Variants in NRP1 observed in about 807,000 individuals in gnomAD.
NRP1 encodes the protein neuropilin 1, also known as neuropilin-1.
NRP1 carries 35 observed loss-of-function variants against 106.7 expected under a neutral mutation model. The observed-to-expected ratio is 0.33, with a 90% CI of 0.25 to 0.43. The LOEUF (loss-of-function observed/expected upper bound fraction) is 0.43. NRP1 is among the 20% of genes least tolerant of loss of function. The probability of loss-of-function intolerance (pLI) is 1.00; values close to 1 mark genes in which losing one functional copy is unlikely to be tolerated. For missense variants in NRP1, 1,024 were observed against 1,170.4 expected (o/e 0.87, Z 1.83); for synonymous variants, 437 against 417.9 (o/e 1.05, Z -0.56).
chr10:33,308,970 T>C (rs1846371796), intron 2 of NRP1, among the ~76,000 whole-genome samples: 1 of 152,236 alleles, frequency 6.6e-6, no homozygotes, highest in Non-Finnish European at 1.5e-5. Flanking sequence ...TCTTAATTTA[T>C]AGAAATGTTA....
chr10:33,236,540 T>C (rs1378042838), intron 6 of NRP1, among the ~76,000 whole-genome samples: 1 of 152,158 alleles, frequency 6.6e-6, no homozygotes, highest in African/African-American at 2.4e-5. Context: ...ATGGGTTAGG[T>C]AGGCAAGAGA....
intron 3 of NRP1, 110 bp downstream of exon 3, chr10:33,270,565 G>T (rs996327169): frequency 9.3e-6 from 8 of 860,700 alleles, no homozygotes; most frequent in Middle Eastern, 2.7e-4. Context: ...GAGCTCAAGT[G>T]ATCCACCTGC....
chr10:33,330,611 T>G (rs1848208212), intron 2 of NRP1, 97 bp downstream of exon 2: 1 of 1,010,452 alleles, frequency 9.9e-7, no homozygotes, highest in African/African-American at 1.6e-5. Flanking sequence ...CCTGGATCCA[T>G]TTATAATCTA....
intron 3 of NRP1, among the ~76,000 whole-genome samples, chr10:33,266,766 C>T (rs904478704): frequency 2.0e-5 from 3 of 152,076 alleles, no homozygotes; most frequent in Non-Finnish European, 4.4e-5. Context: ...TAGCACTATC[C>T]CCTCTTGGCC....
chr10:33,296,514 C>T (rs1055934656), intron 2 of NRP1, among the ~76,000 whole-genome samples: 7 of 152,134 alleles, frequency 4.6e-5, no homozygotes, highest in African/African-American at 7.2e-5. Context: ...TGGATACAGA[C>T]GGGGCCCTGG....
chr10:33,224,711 G>A (rs1012010488), intron 7 of NRP1, among the ~76,000 whole-genome samples: 9 of 151,994 alleles, frequency 5.9e-5, no homozygotes, highest in Middle Eastern at 3.4e-3. Flanking sequence ...GATGCTCTCC[G>A]TCCTCCCACA....
chr10:33,186,498 C>A lies in NRP1; in HGVS notation c.2063-10G>T. ...ATGAAGTTGCCATCTCCTGCTGTGA[C>A]AAAGAACTGTGTTAGGGAGAGTGGC... On this transcript the variant is annotated splice_polypyrimidine_tract_variant and intron_variant, in intron 13 of 16. Coordinates refer to ENST00000374867, the MANE Select transcript of NRP1 (RefSeq NM_003873.7). The A allele has an allele frequency of 1.9e-6, 3 of 1,604,976 alleles. No homozygotes were observed. Among genetic ancestry groups the A allele is most frequent in the East Asian group, 4.5e-5 (2 of 44,762 alleles).
chr10:33,271,317 G>A (rs779453056), intron 2 of NRP1, among the ~76,000 whole-genome samples: 11 of 152,088 alleles, frequency 7.2e-5, no homozygotes, highest in African/African-American at 2.7e-4. Context: ...TTCTGTGAGC[G>A]ACCCTCTAAA....
At chr10:33,294,893 C>G (rs970365344) in intron 2 of NRP1, among the ~76,000 whole-genome samples, 2 of 152,104 alleles carry the variant, frequency 1.3e-5, no homozygotes, top group Non-Finnish European at 2.9e-5. Context: ...AACAGTTATG[C>G]TGTGTTTGGG....
chr10:33,283,208 T>C (rs1433043155), intron 2 of NRP1, among the ~76,000 whole-genome samples: 1 of 152,228 alleles, frequency 6.6e-6, no homozygotes, highest in African/African-American at 2.4e-5. Flanking sequence ...TAGAATGAAA[T>C]GTACATGAGA....
chr10:33,191,944 T>G (rs1456642989), intron 13 of NRP1, among the ~76,000 whole-genome samples: 1 of 143,344 alleles, frequency 7.0e-6, no homozygotes, highest in East Asian at 2.1e-4. Context: ...TGCCACTGCA[T>G]TCCAGCCCGG....
chr10:33,228,697 G>C (rs1444524601), intron 6 of NRP1, among the ~76,000 whole-genome samples: 2 of 152,112 alleles, frequency 1.3e-5, no homozygotes, highest in African/African-American at 4.8e-5. Flanking sequence ...AGTAGTGGTA[G>C]ATTTCATCTG....
chr10:33,213,107 G>T (rs1371749763), intron 9 of NRP1: 2 of 805,898 alleles, frequency 2.5e-6, no homozygotes, highest in Non-Finnish European at 3.8e-6. Context: ...GTCAGCCTTG[G>T]GCTTCCCCGT....
intron 10 of NRP1, chr10:33,205,776 T>A (rs1174004180): frequency 6.3e-6 from 1 of 157,746 alleles, no homozygotes; most frequent in African/African-American, 2.4e-5. Flanking sequence ...AGAAGCAATT[T>A]GGGGAGGTTC....
At chr10:33,199,377 ATATATATATATATTTTTTTTTTT>A (rs1564372690) in intron 11 of NRP1, among the ~76,000 whole-genome samples, 4 of 51,920 alleles carry the variant, frequency 7.7e-5, no homozygotes, top group African/African-American at 3.2e-4. Context: ...CTATATATAT[ATATATATATATATTTTTTTTTTT>A]TTTTTTTTTT....
At chr10:33,302,241 C>T (rs1184825492) in intron 2 of NRP1, among the ~76,000 whole-genome samples, 1 of 152,234 alleles carries the variant, frequency 6.6e-6, no homozygotes. Context: ...CAACACCAAC[C>T]TTCTAACTGT....
At chr10:33,273,554 C>T (rs1394595309) in intron 2 of NRP1, among the ~76,000 whole-genome samples, 1 of 152,138 alleles carries the variant, frequency 6.6e-6, no homozygotes, top group African/African-American at 2.4e-5. Context: ...ATCCCGAAGC[C>T]GGCTGCAGAT....
At chr10:33,181,294 G>C (rs1169353030) in intron 16 of NRP1, among the ~76,000 whole-genome samples, 1 of 152,198 alleles carries the variant, frequency 6.6e-6, no homozygotes, top group Non-Finnish European at 1.5e-5. Flanking sequence ...GAGAAAACAA[G>C]CCTTGGGGCA....
chr10:33,266,439 T>C (rs1014021813), intron 3 of NRP1, among the ~76,000 whole-genome samples: 4 of 152,254 alleles, frequency 2.6e-5, no homozygotes, highest in African/African-American at 9.6e-5. Context: ...AAATGTGAGT[T>C]GGACTTTAGA....
Sources: allele counts gnomAD v4.1 joint callset (sites outside exome capture counted in the v4.1 genomes callset), GRCh38; gene constraint gnomAD v4.1.1; transcripts MANE v1.5; gene names NCBI Gene and HGNC (gene_info 2026-07-23, HGNC 2026-07-21).